MUSK: variants seen among roughly 807,000 people sequenced by gnomAD.
MUSK encodes the protein muscle associated receptor tyrosine kinase, also known as muscle, skeletal receptor tyrosine-protein kinase.
In MUSK, 55 loss-of-function variants were observed where a neutral mutation model predicts 88.7. The observed-to-expected ratio is 0.62, with a 90% CI of 0.50 to 0.78. MUSK has a LOEUF of 0.78. MUSK is among the 30% of genes least tolerant of loss of function. MUSK has a pLI of 0.00. For missense variants in MUSK, 1,015 were observed against 1,074.3 expected, an observed-to-expected ratio of 0.94 and a Z score of 0.77; for synonymous variants, 387 against 391.9, an observed-to-expected ratio of 0.99 and a Z score of 0.15.
At chr9:110,783,064 C>T (rs1465039489) in intron 11 of MUSK, among the ~76,000 whole-genome samples, 1 of 152,202 alleles carries the variant, frequency 6.6e-6, no homozygotes, top group East Asian at 1.9e-4. Flanking sequence ...TTTGCAAGTG[C>T]CCTATTTCAA....
At chr9:110,697,597 C>A in intron 5 of MUSK, 131 bp downstream of exon 5, 2 of 943,442 alleles carry the variant, frequency 2.1e-6, no homozygotes, top group Non-Finnish European at 2.9e-6. Context: ...GATATTAGGC[C>A]ATAAGTTCAA....
At chr9:110,740,305 C>A (rs866662724) in intron 6 of MUSK, among the ~76,000 whole-genome samples, 5 of 152,050 alleles carry the variant, frequency 3.3e-5, no homozygotes, top group African/African-American at 7.2e-5. Context: ...AGTCCAAGGT[C>A]AAGGTGCTAT....
chr9:110,732,362 A>T (rs555973741), intron 5 of MUSK, among the ~76,000 whole-genome samples: 73 of 152,130 alleles, frequency 4.8e-4, no homozygotes, highest in African/African-American at 1.7e-3. Flanking sequence ...ACATTAGAAG[A>T]GTACCTGGAC....
chr9:110,682,585 TC>T (rs2076147123), intron 1 of MUSK, 88 bp from the exon 2 acceptor site: 1 of 1,271,198 alleles, frequency 7.9e-7, no homozygotes, highest in Non-Finnish European at 1.1e-6. Flanking sequence ...GAATTCTCAT[TC>T]AGGTATGTAA....
At chr9:110,700,956 T>A (rs146727870) in intron 5 of MUSK, among the ~76,000 whole-genome samples, 1 of 152,298 alleles carries the variant, frequency 6.6e-6, no homozygotes, top group South Asian at 2.1e-4. Context: ...GTCCTTGTAA[T>A]AGGAAGAAAA....
intron 5 of MUSK, among the ~76,000 whole-genome samples, chr9:110,721,553 A>G (rs1489619205): frequency 1.3e-5 from 2 of 152,158 alleles, no homozygotes; most frequent in Non-Finnish European, 2.9e-5. Flanking sequence ...AAAGACCTCT[A>G]CAAGGAAAAC....
At chr9:110,677,195 C>T (rs138479515) in intron 1 of MUSK, among the ~76,000 whole-genome samples, 13 of 152,292 alleles carry the variant, frequency 8.5e-5, no homozygotes, top group Middle Eastern at 3.4e-3. Flanking sequence ...TGTCACCATA[C>T]TCACCTCCAG....
intron 5 of MUSK, among the ~76,000 whole-genome samples, chr9:110,714,939 A>C (rs2076726282): frequency 1.5e-5 from 2 of 137,516 alleles, no homozygotes; most frequent in African/African-American, 6.6e-5. Context: ...TGTTTTAATA[A>C]CAGGGTCGAA....
chr9:110,706,238 C>A, intron 5 of MUSK: 1 of 365,882 alleles, frequency 2.7e-6, no homozygotes. Flanking sequence ...AATTTTCCTT[C>A]TGCTTGAGAT....
At chr9:110,678,906 G>C (rs955464570) in intron 1 of MUSK, among the ~76,000 whole-genome samples, 8 of 150,180 alleles carry the variant, frequency 5.3e-5, no homozygotes, top group African/African-American at 2.0e-4. Context: ...TTGTTTTTTT[G>C]CTATCTTTTT....
At chr9:110,778,922 T>G (rs1412716005) in intron 11 of MUSK, among the ~76,000 whole-genome samples, 1 of 152,180 alleles carries the variant, frequency 6.6e-6, no homozygotes, top group Non-Finnish European at 1.5e-5. Flanking sequence ...TTCACAATTT[T>G]AAATCACCCA....
At chr9:110,752,596 T>TA (rs1394705911) in intron 7 of MUSK, among the ~76,000 whole-genome samples, 3 of 152,214 alleles carry the variant, frequency 2.0e-5, no homozygotes, top group Non-Finnish European at 4.4e-5. Context: ...CTAGTACCCC[T>TA]AGTAGTCAAC....
At chr9:110,677,643 G>C (rs768585949) in intron 1 of MUSK, among the ~76,000 whole-genome samples, 1 of 152,118 alleles carries the variant, frequency 6.6e-6, no homozygotes, top group Non-Finnish European at 1.5e-5. Flanking sequence ...CCTCTGCCTG[G>C]AACACTCTTC....
intron 3 of MUSK, among the ~76,000 whole-genome samples, chr9:110,689,724 A>G (rs1233784626): frequency 1.3e-5 from 1 of 77,692 alleles, no homozygotes; most frequent in Admixed American, 1.8e-4. Context: ...TATATGTTAT[A>G]TATAGTTTAT....
At chr9:110,675,679 C>CCTGGGTTCAAGTGG (rs1283404304) in intron 1 of MUSK, among the ~76,000 whole-genome samples, 2 of 146,258 alleles carry the variant, frequency 1.4e-5, no homozygotes, top group East Asian at 4.1e-4. Flanking sequence ...AAGTGATTCT[C>CCTGGGTTCAAGTGG]CTGCCTCAGC....
chr9:110,774,887 ACACACT>A (rs894137527), intron 9 of MUSK, among the ~76,000 whole-genome samples: 80 of 139,888 alleles, frequency 5.7e-4, no homozygotes, highest in South Asian at 1.1e-3. Flanking sequence ...ACACACACAC[ACACACT>A]CTTACAATTT....
At chr9:110,762,920 A>G (rs2077422800) in intron 8 of MUSK, among the ~76,000 whole-genome samples, 1 of 152,190 alleles carries the variant, frequency 6.6e-6, no homozygotes, top group Non-Finnish European at 1.5e-5. Flanking sequence ...AGTGACTATC[A>G]TTAATAACAA....
At chr9:110,722,588 G>T (rs1480714214) in intron 5 of MUSK, among the ~76,000 whole-genome samples, 2 of 151,540 alleles carry the variant, frequency 1.3e-5, no homozygotes, top group Non-Finnish European at 2.9e-5. Flanking sequence ...TACAGCAAAA[G>T]AAATAATCAG....
chr9:110,770,688 C>T (rs1009261152), intron 9 of MUSK, among the ~76,000 whole-genome samples: 3 of 150,830 alleles, frequency 2.0e-5, no homozygotes, highest in African/African-American at 7.3e-5. Context: ...TATGGTATGC[C>T]ATTCTTTTTA....
Sources: gnomAD v4.1 joint callset for allele counts (sites outside exome capture counted in the v4.1 genomes callset) on GRCh38, gnomAD v4.1.1 for gene constraint, MANE v1.5 for transcripts, NCBI Gene and HGNC (gene_info 2026-07-23, HGNC 2026-07-21) for gene names.